PRSS23: variants seen among roughly 807,000 people sequenced by gnomAD.
PRSS23 encodes the protein serine protease 23.
A neutral mutation model predicts 34.7 loss-of-function variants in PRSS23; 25 were observed. That is an observed-to-expected ratio of 0.72 (90% CI 0.53 to 1.01). The LOEUF is 1.01. Among genes scored for constraint, PRSS23 ranks in the 50% least tolerant of loss-of-function variants. The probability of loss-of-function intolerance (pLI) is 0.00; values close to 1 mark genes in which losing one functional copy is unlikely to be tolerated. For missense variants in PRSS23, 445 were observed against 475.6 expected (o/e 0.94, Z 0.60); for synonymous variants, 176 against 186.6 (o/e 0.94, Z 0.46).
intron 2 of PRSS23, among the ~76,000 whole-genome samples, chr11:86,941,733 C>T (rs1273354804): frequency 2.0e-5 from 3 of 152,278 alleles, no homozygotes; most frequent in African/African-American, 4.8e-5. Flanking sequence ...GTGGGGTAGT[C>T]GATCATTCCC....
At chr11:86,893,844 C>G (rs565590590) in intron 2 of PRSS23, among the ~76,000 whole-genome samples, 3 of 152,212 alleles carry the variant, frequency 2.0e-5, no homozygotes, top group South Asian at 2.1e-4. Flanking sequence ...ATATTACTAT[C>G]AGCTCAAAGG....
chr11:86,911,017 A>G (rs556254834), intron 2 of PRSS23: 2 of 152,282 alleles, frequency 1.3e-5, no homozygotes, highest in African/African-American at 4.8e-5. Flanking sequence ...AGAAGTAAAA[A>G]TAATAAGTTA....
chr11:86,904,743 G>A (rs1948931334), intron 2 of PRSS23, among the ~76,000 whole-genome samples: 1 of 152,092 alleles, frequency 6.6e-6, no homozygotes. Flanking sequence ...GTAAAGCTGT[G>A]TCCCAGTAAA....
intron 2 of PRSS23, among the ~76,000 whole-genome samples, chr11:86,829,610 T>G (rs2134885912): frequency 6.6e-6 from 1 of 152,314 alleles, no homozygotes; most frequent in Non-Finnish European, 1.5e-5. Context: ...TTTCCCCATC[T>G]TTGTGGTTTT....
downstream of PRSS23, among the ~76,000 whole-genome samples, chr11:86,815,870 G>C (rs1319892584): frequency 6.6e-6 from 1 of 152,086 alleles, no homozygotes; most frequent in Non-Finnish European, 1.5e-5. Flanking sequence ...ATTTCACCTT[G>C]TTGTTTCTCC....
intron 2 of PRSS23, among the ~76,000 whole-genome samples, chr11:86,869,768 T>C (rs1948672680): frequency 6.6e-6 from 1 of 152,222 alleles, no homozygotes; most frequent in Non-Finnish European, 1.5e-5. Context: ...ATCTTCCAGA[T>C]ACTCACGCAG....
At position 86,793,004 on chromosome 11, in the gene PRSS23, C is replaced by T. The variant is rs189882337; in HGVS notation, c.-14+1809C>T. On this transcript the variant is annotated intron_variant, in intron 1 of 1. Transcript: ENST00000527521. Reference sequence around the variant, plus strand: ...CCAGGTAGCTGGGACTACAAGCACACGTCACTAGGCTCAGCTAATTTTTGT... The same window carrying T: ...CCAGGTAGCTGGGACTACAAGCACATGTCACTAGGCTCAGCTAATTTTTGT... 1.1e-4 allele frequency among the ~76,000 whole-genome samples: 17 copies of T among 152,300 alleles called. No homozygotes were observed. The East Asian group carries it at 2.1e-3, about 19-fold the overall frequency.
intron 2 of PRSS23, among the ~76,000 whole-genome samples, chr11:86,823,763 T>C (rs962559874): frequency 6.6e-6 from 1 of 152,012 alleles, no homozygotes; most frequent in Admixed American, 6.6e-5. Context: ...TCCCAGCATT[T>C]TGGGAGGCCG....
chr11:86,808,654 T>G lies in PRSS23; in HGVS notation c.1011T>G (p.Ile337Met). 6.2e-7 allele frequency: 1 copy of G among 1,614,172 alleles called. No homozygotes were observed. The highest frequency in any genetic ancestry group is 8.5e-7 in the Non-Finnish European group (1 of 1,180,044). Residue 337 changes from isoleucine to methionine, a missense_variant, in exon 2 of 2, where the codon ATT becomes ATG. By Grantham distance (10) the Ile-to-Met change is conservative. Transcript: ENST00000280258. ...RQQQKWERKI[I>M]GIFSGHQWVD... is the part of the protein sequence containing the mutation. ...AGCAGAAGTGGGAGCGAAAAATTAT[T>G]GGCATTTTTTCAGGGCACCAGTGGG...
Position 86,875,860 on chromosome 11 carries a change from C to T in PRSS23, c.206+52267C>T, listed in dbSNP as rs189673850. ...GCAGACCAACTATCATTCTCACAAC[C>T]AACTTTCTAAAGACTTTTGACAATC... is the stretch of plus-strand genomic sequence containing the variant. On this transcript the variant is annotated intron_variant, in intron 2 of 2. Coordinates refer to the PRSS23 transcript ENST00000533902. Among the ~76,000 whole-genome samples the T allele has an allele frequency of 8.5e-5, 13 of 152,278 alleles. No homozygotes were observed. In the East Asian group the frequency reaches 2.5e-3, roughly 29 times the overall value.
At chr11:86,930,919 G>A (rs1949121449) in intron 2 of PRSS23, among the ~76,000 whole-genome samples, 2 of 152,024 alleles carry the variant, frequency 1.3e-5, no homozygotes, top group African/African-American at 4.8e-5. Flanking sequence ...AAAAACAGCG[G>A]GCAGGAAGAT....
rs59624601 is a variant in PRSS23 at position 86,928,707 on chromosome 11, T to TATATATATATATATATATATATA, written c.207-22509_207-22508insATATATATATATATATATATATA. On this transcript the variant is annotated intron_variant, in intron 2 of 2. Transcript: ENST00000533902. Reference sequence around the variant, plus strand: ...AAAAAAAAAAAAAAAAAAAAAAAAATTGGCAAGACATATACAGCATATAAT... The same window carrying TATATATATATATATATATATATA: ...AAAAAAAAAAAAAAAAAAAAAAAAATATATATATATATATATATATATATGGCAAGACATATACAGCATATAAT... 2.6e-3 allele frequency among the ~76,000 whole-genome samples: 170 copies of TATATATATATATATATATATATA among 65,854 alleles called. 2 individuals carry two copies. Among genetic ancestry groups the TATATATATATATATATATATATA allele is most frequent in the African/African-American group, 3.9e-3 (72 of 18,330 alleles). 43.2% of individuals were successfully genotyped at this position (65,854 alleles called of 152,430 possible). A position where few individuals can be genotyped will look rare whatever the true frequency, so the allele number is the denominator to read the frequency against.
intron 2 of PRSS23, among the ~76,000 whole-genome samples, chr11:86,829,040 C>G (rs1345353595): frequency 6.6e-6 from 1 of 152,154 alleles, no homozygotes; most frequent in Non-Finnish European, 1.5e-5. Context: ...GAATGTTGGC[C>G]TGCCTTGCTA....
At chr11:86,859,323 T>C (rs1948595948) in intron 2 of PRSS23, among the ~76,000 whole-genome samples, 1 of 151,950 alleles carries the variant, frequency 6.6e-6, no homozygotes, top group African/African-American at 2.4e-5. Flanking sequence ...GTGTACACAC[T>C]TCCTGTGATA....
chr11:86,833,226 G>A, intron 2 of PRSS23: 9 of 1,505,812 alleles, frequency 6.0e-6, no homozygotes, highest in Non-Finnish European at 7.4e-6. Context: ...TCATCTTGGG[G>A]ACCGTGTTGG....
Position 86,887,257 on chromosome 11 carries a change from C to T in PRSS23, c.206+63664C>T, listed in dbSNP as rs192270130. On this transcript the variant is annotated intron_variant, in intron 2 of 2. Transcript: ENST00000533902. ...ATGCAATATCTGGAGGAAGGTACAT[C>T]GCAGGTGGGGACTGGGTTCTTGAGG... is the stretch of plus-strand genomic sequence containing the variant. 1.7e-3 allele frequency among the ~76,000 whole-genome samples: 254 copies of T among 152,170 alleles called. 4 individuals are homozygous for T. Among genetic ancestry groups the T allele is most frequent in the Middle Eastern group, 0.014 (4 of 294 alleles).
chr11:86,813,188 A>G (rs1948192422), downstream of PRSS23, among the ~76,000 whole-genome samples: 1 of 152,178 alleles, frequency 6.6e-6, no homozygotes. Context: ...ACCTTTATCT[A>G]ACAGATAGCT....
intron 1 of PRSS23, among the ~76,000 whole-genome samples, chr11:86,817,545 G>A (rs1217742891): frequency 1.3e-5 from 2 of 152,184 alleles, no homozygotes; most frequent in African/African-American, 4.8e-5. Context: ...TTGTCTGGTG[G>A]ACCTGAACAC....
At chr11:86,942,431 T>G (rs967583988) in intron 2 of PRSS23, among the ~76,000 whole-genome samples, 1 of 152,224 alleles carries the variant, frequency 6.6e-6, no homozygotes, top group Admixed American at 6.5e-5. Context: ...TCAAGTGGAA[T>G]GATGCAACCC....
Sources: allele counts gnomAD v4.1 joint callset (sites outside exome capture counted in the v4.1 genomes callset), GRCh38; gene constraint gnomAD v4.1.1; transcripts MANE v1.5; gene names NCBI Gene and HGNC (gene_info 2026-07-23, HGNC 2026-07-21).